The following LRRC37A2 variants were observed in gnomAD, a reference collection of about 807,000 sequenced individuals.
LRRC37A2 encodes the protein leucine rich repeat containing 37 member A2.
A neutral mutation model predicts 68.8 loss-of-function variants in LRRC37A2; 9 were observed. The observed-to-expected ratio is 0.13, with a 90% CI of 0.08 to 0.23. The LOEUF is 0.23. LRRC37A2 is among the 10% of genes least tolerant of loss of function. The pLI, the probability that LRRC37A2 is intolerant of heterozygous loss-of-function variation, is 1.00. For missense variants in LRRC37A2, 168 were observed against 950.4 expected, an observed-to-expected ratio of 0.18 and a Z score of 10.82; for synonymous variants, 63 against 367.6, an observed-to-expected ratio of 0.17 and a Z score of 9.48.
At chr17:46,876,750 C>A in the LRRC37A2 span, 1 of 1,510,548 alleles carries the variant, frequency 6.6e-7, no homozygotes, top group Non-Finnish European at 8.9e-7. Context: ...TCTGGCACTG[C>A]CAGGACCTCC....
the LRRC37A2 span, chr17:47,019,025 G>A: frequency 4.8e-6 from 7 of 1,459,286 alleles, no homozygotes; most frequent in Non-Finnish European, 6.7e-6. Flanking sequence ...TTCAACTTTT[G>A]GACCTGGGAC....
At chr17:46,797,156 A>G in the LRRC37A2 span, among the ~76,000 whole-genome samples, 1 of 152,206 alleles carries the variant, frequency 6.6e-6, no homozygotes, top group East Asian at 1.9e-4. Context: ...AAACACCAAG[A>G]GGCTCCAAGT....
chr17:46,519,779 T>C (rs1274169988), intron 3 of LRRC37A2, among the ~76,000 whole-genome samples: 2 of 149,828 alleles, frequency 1.3e-5, no homozygotes, highest in East Asian at 3.9e-4. Flanking sequence ...AGTTCTCCAG[T>C]TTTTTTGATG....
At chr17:46,473,867 G>A in the LRRC37A2 span, among the ~76,000 whole-genome samples, 1 of 100,538 alleles carries the variant, frequency 9.9e-6, no homozygotes. Context: ...TTGCACTCCA[G>A]CCTGGGCAGC....
At chr17:46,956,865 A>G in the LRRC37A2 span, among the ~76,000 whole-genome samples, 1 of 152,216 alleles carries the variant, frequency 6.6e-6, no homozygotes, top group African/African-American at 2.4e-5. Context: ...GAGCAGCTCC[A>G]CAGCGAGCAT....
At chr17:46,814,504 C>A in the LRRC37A2 span, among the ~76,000 whole-genome samples, 1 of 152,096 alleles carries the variant, frequency 6.6e-6, no homozygotes, top group Admixed American at 6.6e-5. Context: ...CCGCCATATC[C>A]CCCCCAGGGA....
the LRRC37A2 span, among the ~76,000 whole-genome samples, chr17:47,030,036 T>C: frequency 3.4e-5 from 5 of 149,100 alleles, no homozygotes; most frequent in African/African-American, 1.0e-4. Context: ...GCACTCCAGC[T>C]TGAGGGACAG....
the LRRC37A2 span, among the ~76,000 whole-genome samples, chr17:46,795,202 T>C: frequency 6.6e-6 from 1 of 151,962 alleles, no homozygotes; most frequent in Non-Finnish European, 1.5e-5. Context: ...GCTTGTCTGC[T>C]CCCCCATAAA....
chr17:46,831,210 A>G, the LRRC37A2 span, among the ~76,000 whole-genome samples: 2 of 152,164 alleles, frequency 1.3e-5, no homozygotes, highest in Non-Finnish European at 2.9e-5. Context: ...GCCTGACCAT[A>G]CAGTCTGTGT....
the LRRC37A2 span, among the ~76,000 whole-genome samples, chr17:46,980,860 A>G: frequency 6.6e-6 from 1 of 151,904 alleles, no homozygotes; most frequent in Non-Finnish European, 1.5e-5. Context: ...ATAAAATAAA[A>G]AAAGAAAAAA....
chr17:46,768,349 G>C, the LRRC37A2 span: 1 of 1,613,770 alleles, frequency 6.2e-7, no homozygotes, highest in Non-Finnish European at 8.5e-7. This position sits in a 1 kb window ranked among gnomAD's most constrained non-coding sequence, Gnocchi z 5.0. Flanking sequence ...TCGTAGATGC[G>C]AATACACTCC....
At chr17:46,835,595 C>A in the LRRC37A2 span, among the ~76,000 whole-genome samples, 1 of 152,368 alleles carries the variant, frequency 6.6e-6, no homozygotes, top group Non-Finnish European at 1.5e-5. Flanking sequence ...CCCTGACTTA[C>A]CCCTCCTCCT....
chr17:46,852,665 C>T, the LRRC37A2 span, among the ~76,000 whole-genome samples: 1 of 152,008 alleles, frequency 6.6e-6, no homozygotes, highest in Non-Finnish European at 1.5e-5. Flanking sequence ...CACCATCCAC[C>T]CAAAGCCAAC....
the LRRC37A2 span, among the ~76,000 whole-genome samples, chr17:46,855,866 T>A: frequency 6.6e-6 from 1 of 152,034 alleles, no homozygotes; most frequent in Non-Finnish European, 1.5e-5. Flanking sequence ...GCCTGGCTAA[T>A]TTTTGTATTT....
At chr17:46,978,385 CAA>C in the LRRC37A2 span, 1 of 385,206 alleles carries the variant, frequency 2.6e-6, no homozygotes, top group South Asian at 3.2e-5. Flanking sequence ...TCTTAAAAAA[CAA>C]ACAAACAAAA....
the LRRC37A2 span, among the ~76,000 whole-genome samples, chr17:46,794,162 G>A: frequency 2.6e-5 from 4 of 152,028 alleles, no homozygotes; most frequent in Non-Finnish European, 4.4e-5. Context: ...ATAGAACAGG[G>A]GTGGGGGTGG....
chr17:46,954,078 G>A, the LRRC37A2 span, among the ~76,000 whole-genome samples: 4 of 152,126 alleles, frequency 2.6e-5, no homozygotes, highest in Non-Finnish European at 4.4e-5. Context: ...TGTTGCCATC[G>A]CTTTTGGTGT....
chr17:46,956,606 C>T, the LRRC37A2 span, among the ~76,000 whole-genome samples: 1 of 152,110 alleles, frequency 6.6e-6, no homozygotes, highest in African/African-American at 2.4e-5. Flanking sequence ...CCAGCCCTTG[C>T]CAGTGTTTCT....
the LRRC37A2 span, chr17:46,923,518 C>T: frequency 2.2e-5 from 30 of 1,372,822 alleles, no homozygotes; most frequent in Admixed American, 1.7e-4. Flanking sequence ...GGTTATAAAA[C>T]TTTGTCCAGC....
Sources: gnomAD v4.1 joint callset for allele counts (sites outside exome capture counted in the v4.1 genomes callset) on GRCh38, gnomAD v4.1.1 for gene constraint, Gnocchi (gnomAD v3.1) non-coding constraint, MANE v1.5 for transcripts, NCBI Gene and HGNC (gene_info 2026-07-23, HGNC 2026-07-21) for gene names.